LUZP2: variants seen among roughly 807,000 people sequenced by gnomAD.
LUZP2 encodes the protein leucine zipper protein 2.
In LUZP2, 52 loss-of-function variants were observed where a neutral mutation model predicts 51.6. That is an observed-to-expected ratio of 1.01 (90% confidence interval 0.81 to 1.27). LUZP2 has a LOEUF of 1.27. LUZP2 is among the 50% of genes most tolerant of loss of function. The pLI is 0.00. For missense variants in LUZP2, 436 were observed against 395.4 expected, an observed-to-expected ratio of 1.10 and a Z score of -0.87; for synonymous variants, 154 against 137.3, an observed-to-expected ratio of 1.12 and a Z score of -0.85.
intron 1 of LUZP2, among the ~76,000 whole-genome samples, chr11:24,566,927 G>GT (rs1181631920): frequency 0.015 from 32 of 2,198 alleles, no homozygotes; most frequent in Non-Finnish European, 0.022. Flanking sequence ...ATGTATATAT[G>GT]TATATATATA....
intron 9 of LUZP2, among the ~76,000 whole-genome samples, chr11:25,038,606 T>C (rs1014793558): frequency 2.0e-5 from 3 of 152,218 alleles, no homozygotes; most frequent in Admixed American, 6.5e-5. Context: ...CTGGATCTCA[T>C]TGAACTTCCT....
intron 7 of LUZP2, among the ~76,000 whole-genome samples, chr11:24,926,517 G>A (rs554941982): frequency 5.0e-5 from 7 of 140,788 alleles, no homozygotes; most frequent in South Asian, 2.2e-4. Flanking sequence ...GTGTATATAC[G>A]TGTATATATG....
At chr11:24,614,639 G>T (rs558953883) in intron 1 of LUZP2, among the ~76,000 whole-genome samples, 57 of 151,912 alleles carry the variant, frequency 3.8e-4, no homozygotes, top group African/African-American at 1.3e-3. Flanking sequence ...AATTATTCCT[G>T]ATTTAGATCT....
At chr11:24,513,858 G>GTT (rs1173612889) in intron 1 of LUZP2, among the ~76,000 whole-genome samples, 2 of 152,190 alleles carry the variant, frequency 1.3e-5, no homozygotes, top group African/African-American at 2.4e-5. Flanking sequence ...TTATCTCAAA[G>GTT]AAGTGATGAA....
At chr11:25,040,176 G>C (rs980914387) in intron 9 of LUZP2, among the ~76,000 whole-genome samples, 2 of 151,984 alleles carry the variant, frequency 1.3e-5, no homozygotes, top group Non-Finnish European at 2.9e-5. Context: ...GCATTTGCAT[G>C]CTCCAAACAG....
chr11:25,017,251 C>A (rs576383004), intron 9 of LUZP2, among the ~76,000 whole-genome samples: 1 of 152,126 alleles, frequency 6.6e-6, no homozygotes, highest in Non-Finnish European at 1.5e-5. Flanking sequence ...ATTTATTTTT[C>A]TATGAACAAG....
At chr11:24,859,145 G>A (rs975025907) in intron 5 of LUZP2, among the ~76,000 whole-genome samples, 13 of 152,004 alleles carry the variant, frequency 8.6e-5, no homozygotes, top group Admixed American at 1.3e-4. Flanking sequence ...GACAATATAA[G>A]AATAGTATAG....
chr11:24,966,637 T>C (rs1445196848), intron 7 of LUZP2, among the ~76,000 whole-genome samples: 1 of 148,206 alleles, frequency 6.7e-6, no homozygotes. Context: ...GGCTGATATA[T>C]TATATATAAG....
intron 1 of LUZP2, among the ~76,000 whole-genome samples, chr11:24,687,119 T>A (rs1856920404): frequency 6.6e-6 from 1 of 152,162 alleles, no homozygotes; most frequent in South Asian, 2.1e-4. Flanking sequence ...TAAACAAAAA[T>A]CTTTATGTAG....
intron 5 of LUZP2, among the ~76,000 whole-genome samples, chr11:24,809,156 A>G (rs1040030164): frequency 4.6e-5 from 7 of 152,208 alleles, no homozygotes; most frequent in Non-Finnish European, 8.8e-5. Context: ...AGTGAGCTGT[A>G]TAATTGATTA....
chr11:25,017,871 G>A (rs994723926), intron 9 of LUZP2, among the ~76,000 whole-genome samples: 2 of 152,116 alleles, frequency 1.3e-5, no homozygotes, highest in Non-Finnish European at 2.9e-5. Context: ...GTTTTGTAAA[G>A]CATGGTTATC....
At chr11:24,670,103 G>C (rs1856354242) in intron 1 of LUZP2, among the ~76,000 whole-genome samples, 1 of 152,028 alleles carries the variant, frequency 6.6e-6, no homozygotes, top group African/African-American at 2.4e-5. Context: ...ATGTAGTCTA[G>C]TTAATGCTCC....
rs1283909120 is a variant in LUZP2, at chr11:25,079,635, C to CA, written c.*984dup. 8 of 152,000 alleles carry CA rather than the reference C, an allele frequency of 5.3e-5. No homozygotes were observed. The highest frequency in any genetic ancestry group is 1.4e-4 in the African/African-American group (6 of 41,402). The allele number at this position is 152,000 out of a possible 1,614,324, so 9.4% of individuals were successfully genotyped here. A position where few individuals can be genotyped will look rare whatever the true frequency, so the allele number is the denominator to read the frequency against. ...GATTTTCTATAGGAATATCACTAAT[C>CA]AAAAAAATGCACTCATGAATAATTG... On this transcript the variant is annotated 3_prime_UTR_variant, in exon 12 of 12. Transcript: ENST00000336930.
At chr11:24,840,721 G>A (rs1851003345) in intron 5 of LUZP2, among the ~76,000 whole-genome samples, 1 of 151,828 alleles carries the variant, frequency 6.6e-6, no homozygotes, top group African/African-American at 2.4e-5. Context: ...ATTTTCCAAG[G>A]TTACCAAAGT....
At chr11:24,633,655 A>G (rs1298076206) in intron 1 of LUZP2, among the ~76,000 whole-genome samples, 2 of 151,952 alleles carry the variant, frequency 1.3e-5, no homozygotes, top group African/African-American at 2.4e-5. Flanking sequence ...TACTTTTATA[A>G]AAAGTTTTAT....
At chr11:24,635,981 T>C (rs1855091895) in intron 1 of LUZP2, among the ~76,000 whole-genome samples, 1 of 152,176 alleles carries the variant, frequency 6.6e-6, no homozygotes, top group South Asian at 2.1e-4. Context: ...GTCAGTGTGG[T>C]GGCTTGAAGA....
At chr11:24,855,729 A>G (rs1851545220) in intron 5 of LUZP2, among the ~76,000 whole-genome samples, 1 of 152,216 alleles carries the variant, frequency 6.6e-6, no homozygotes, top group African/African-American at 2.4e-5. Flanking sequence ...AACACAGGCT[A>G]TAGTAATTAA....
chr11:24,798,390 G>T (rs966464974), intron 5 of LUZP2, among the ~76,000 whole-genome samples: 2 of 152,026 alleles, frequency 1.3e-5, no homozygotes, highest in African/African-American at 4.8e-5. Flanking sequence ...AGAGATAGAG[G>T]CACACTATGT....
chr11:24,629,549 C>CATATAT (rs3078021), intron 1 of LUZP2, among the ~76,000 whole-genome samples: 6,859 of 141,010 alleles, frequency 0.049, 219 homozygotes, highest in African/African-American at 0.077. Context: ...TATTCCATTG[C>CATATAT]ATATATATAT....
Sources: allele counts gnomAD v4.1 joint callset (sites outside exome capture counted in the v4.1 genomes callset), GRCh38; gene constraint gnomAD v4.1.1; transcripts MANE v1.5; gene names NCBI Gene and HGNC (gene_info 2026-07-23, HGNC 2026-07-21).